CELF5: variants seen among roughly 807,000 people sequenced by gnomAD.
CELF5 encodes the protein CUG-BP and ETR-3 like factor 5.
Under a neutral mutation model 54.9 loss-of-function variants are expected in CELF5, and 6 were observed. The ratio of observed to expected loss-of-function variants is 0.11; its 90% CI spans 0.06 to 0.22. The LOEUF is 0.22. CELF5 is among the 10% of genes least tolerant of loss of function. CELF5 has a pLI of 1.00. For missense variants in CELF5, 401 were observed against 678.6 expected (o/e 0.59, Z 4.54); for synonymous variants, 271 against 290.9 (o/e 0.93, Z 0.70).
At position 3,282,944 on chromosome 19, in the gene CELF5, C is replaced by A. The variant is rs2145271426; in HGVS notation, c.1039+446C>A. On this transcript the variant is annotated intron_variant, in intron 8 of 12. Transcript: ENST00000292672. The surrounding 1 kb of genome is among the most constrained non-coding windows in gnomAD (Gnocchi z 5.2). ...TTCCCAGGTTCAAGTGATTCTCCTGCCTCAGCCTCCCAAGTAGCTGGGATT... is the reference window on the plus strand; with the variant it reads ...TTCCCAGGTTCAAGTGATTCTCCTGACTCAGCCTCCCAAGTAGCTGGGATT... Among the ~76,000 whole-genome samples, 1 of 152,330 alleles carries A rather than the reference C, an allele frequency of 6.6e-6. No homozygotes were observed. The highest frequency in any genetic ancestry group is 1.9e-4 in the East Asian group (1 of 5,186).
chr19:3,273,190 T>C (rs312929), intron 2 of CELF5, among the ~76,000 whole-genome samples: 69,032 of 151,834 alleles, frequency 0.45, 17,291 homozygotes, highest in African/African-American at 0.69. Context: ...TGTTCTCGAT[T>C]CTGCAAAGCT....
intron 10 of CELF5, among the ~76,000 whole-genome samples, chr19:3,287,126 T>G (rs1216808576): frequency 1.3e-5 from 2 of 150,678 alleles, no homozygotes; most frequent in Non-Finnish European, 3.0e-5. Flanking sequence ...ATAAATAAAT[T>G]AGGATGGAGC....
chr19:3,231,782 A>G lies in CELF5; in HGVS notation c.259+6784A>G, dbSNP rs1351470488. On this transcript the variant is annotated intron_variant, in intron 1 of 12. Transcript: ENST00000292672. ...GGTGGGTGGGTGGGTTGGTGGGTCA[A>G]TGAGTGCATGGATGGATGGATGGGT... is the stretch of plus-strand genomic sequence containing the variant. Among the ~76,000 whole-genome samples the G allele has an allele frequency of 6.4e-5, 9 of 141,150 alleles. 2 individuals carry two copies. The highest frequency in any genetic ancestry group is 2.2e-4 in the East Asian group (1 of 4,528). The allele number at this position is 141,150 out of a possible 152,430, so 92.6% of individuals were successfully genotyped here.
rs915557415 is a variant in CELF5 at position 3,268,242 on chromosome 19, G to T, written c.343-5630G>T. 1.0e-3 allele frequency among the ~76,000 whole-genome samples: 158 copies of T among 151,996 alleles called. No homozygotes were observed. The highest frequency in any genetic ancestry group is 5.4e-4 in the Non-Finnish European group (37 of 67,952). On this transcript the variant is annotated intron_variant, in intron 2 of 12. Coordinates refer to ENST00000292672, the MANE Select transcript of CELF5 (RefSeq NM_021938.4). This position sits in a 1 kb window ranked among gnomAD's most constrained non-coding sequence, Gnocchi z 4.4. Reference sequence around the variant, plus strand: ...TCGAACTCCTGACCTCAGGTGATCCGCCCGCCTCAGCCTCCCAAAGTGCTA... The same window carrying T: ...TCGAACTCCTGACCTCAGGTGATCCTCCCGCCTCAGCCTCCCAAAGTGCTA...
At chr19:3,286,051 G>A (rs771490739) in intron 10 of CELF5, 26 bp downstream of exon 10, 8 of 1,535,468 alleles carry the variant, frequency 5.2e-6, no homozygotes, top group Non-Finnish European at 7.0e-6. Flanking sequence ...CCTCCCCTGG[G>A]CGCCAGCCCC....
intron 1 of CELF5, among the ~76,000 whole-genome samples, chr19:3,248,918 CTTTCTTTCT>C (rs144753216): frequency 0.074 from 10,309 of 139,006 alleles, 928 homozygotes; most frequent in East Asian, 0.41. Context: ...TTCTTTCTTT[CTTTCTTTCT>C]TTTCTTTTCT....
chr19:3,282,534 G>A lies in CELF5; in HGVS notation c.1039+36G>A, dbSNP rs747669261. ...GTCGTCCTCTGGGGCCTAGGAGAGT[G>A]GTGGGGAATAAAGATGGTGTTTCTG... On this transcript the variant is annotated intron_variant, in intron 8 of 12. Coordinates refer to ENST00000292672, the MANE Select transcript of CELF5 (RefSeq NM_021938.4). This position sits in a 1 kb window ranked among gnomAD's most constrained non-coding sequence, Gnocchi z 5.2. 1 of 1,587,084 alleles carries A rather than the reference G, an allele frequency of 6.3e-7. No individual in the cohort carries two copies. The highest frequency in any genetic ancestry group is 8.6e-7 in the Non-Finnish European group (1 of 1,167,056).
chr19:3,282,103 C>G lies in CELF5; in HGVS notation c.751-23C>G. ...GATCTCAGGGCAGATATCACCCCAACTGTGACATGTCTTCACCCCCAGCTC... is the reference window on the plus strand; with the variant it reads ...GATCTCAGGGCAGATATCACCCCAAGTGTGACATGTCTTCACCCCCAGCTC... On this transcript the variant is annotated intron_variant, in intron 6 of 12. Transcript: ENST00000292672. The surrounding 1 kb of genome is among the most constrained non-coding windows in gnomAD (Gnocchi z 5.2). 6.2e-7 allele frequency: 1 copy of G among 1,613,946 alleles called. No homozygotes were observed. Among genetic ancestry groups the G allele is most frequent in the East Asian group, 2.2e-5 (1 of 44,894 alleles).
At chr19:3,286,198 C>T in intron 10 of CELF5, 173 bp downstream of exon 10, 1 of 531,922 alleles carries the variant, frequency 1.9e-6, no homozygotes, top group Non-Finnish European at 3.2e-6. Context: ...CTGGGAATCT[C>T]CCTCTCTGTT....
At chr19:3,289,873 G>A (rs1414348192) in intron 10 of CELF5, among the ~76,000 whole-genome samples, 1 of 151,964 alleles carries the variant, frequency 6.6e-6, no homozygotes, top group Non-Finnish European at 1.5e-5. Context: ...GAAGTTTAGG[G>A]AGGGATTTTC....
At position 3,278,253 on chromosome 19, in the gene CELF5, G is replaced by C; in HGVS notation, c.603+143G>C. On this transcript the variant is annotated intron_variant, in intron 5 of 12. Transcript: ENST00000292672. This position sits in a 1 kb window ranked among gnomAD's most constrained non-coding sequence, Gnocchi z 4.5. The stretch of plus-strand genomic sequence containing the variant: ...CAGAGGGGGCACAGGTGGAGAAAGA[G>C]GCGCAGTCCCTGGCTGTGGTCCCTG... The C allele has an allele frequency of 4.6e-6, 3 of 653,948 alleles. No individual in the cohort carries two copies. The South Asian group carries it at 5.4e-5, about 12-fold the overall frequency. The allele number at this position is 653,948 out of a possible 1,614,324, so 40.5% of individuals were successfully genotyped here.
chr19:3,260,664 C>A lies in CELF5; in HGVS notation c.342+9597C>A, dbSNP rs560750162. 1.2e-4 allele frequency among the ~76,000 whole-genome samples: 18 copies of A among 150,420 alleles called. 1 individual carries two copies. The South Asian group carries it at 3.8e-3, about 32-fold the overall frequency. On this transcript the variant is annotated intron_variant, in intron 2 of 12. Coordinates refer to ENST00000292672, the MANE Select transcript of CELF5 (RefSeq NM_021938.4). ...TTGAGACAGAGTCTCACGCTGTCGC[C>A]CAGGCTGGAGTGCAGTGGCGTGATC...
chr19:3,237,198 G>A (rs982008127), intron 1 of CELF5, among the ~76,000 whole-genome samples: 2 of 149,178 alleles, frequency 1.3e-5, no homozygotes, highest in Non-Finnish European at 3.0e-5. Context: ...TGTAGTCCCA[G>A]CTACTCGGGA....
intron 1 of CELF5, among the ~76,000 whole-genome samples, chr19:3,246,354 A>G (rs1453651404): frequency 6.9e-6 from 1 of 144,496 alleles, no homozygotes. Context: ...ATAGATTGAG[A>G]CTCAGTCTCT....
At chr19:3,233,818 C>G (rs1197819333) in intron 1 of CELF5, among the ~76,000 whole-genome samples, 2 of 152,124 alleles carry the variant, frequency 1.3e-5, no homozygotes, top group Non-Finnish European at 2.9e-5. Flanking sequence ...CAGGGTCTCT[C>G]AGGGGAATAT....
intron 1 of CELF5, among the ~76,000 whole-genome samples, chr19:3,250,351 T>C (rs181027808): frequency 3.9e-5 from 6 of 152,094 alleles, no homozygotes; most frequent in Admixed American, 3.9e-4. Context: ...TAGCCAAGCA[T>C]GGTGGCGGGC....
At chr19:3,288,383 G>A (rs770444539) in intron 10 of CELF5, among the ~76,000 whole-genome samples, 5 of 151,892 alleles carry the variant, frequency 3.3e-5, no homozygotes, top group African/African-American at 9.7e-5. Flanking sequence ...TTAGCCGGGC[G>A]TGGTGACGCA....
chr19:3,250,397 G>A (rs1407603053), intron 1 of CELF5, among the ~76,000 whole-genome samples: 1 of 152,184 alleles, frequency 6.6e-6, no homozygotes, highest in Non-Finnish European at 1.5e-5. Flanking sequence ...GCTGAGGCAG[G>A]AGAATGACGT....
intron 1 of CELF5, among the ~76,000 whole-genome samples, chr19:3,236,865 T>C (rs954452532): frequency 6.6e-6 from 1 of 150,840 alleles, no homozygotes; most frequent in Non-Finnish European, 1.5e-5. Context: ...GGCCTGCACC[T>C]GTAATACCAG....
Sources: allele counts gnomAD v4.1 joint callset (sites outside exome capture counted in the v4.1 genomes callset), GRCh38; gene constraint gnomAD v4.1.1; non-coding constraint Gnocchi (gnomAD v3.1); transcripts MANE v1.5; gene names NCBI Gene and HGNC (gene_info 2026-07-23, HGNC 2026-07-21).